PRKCD: variants seen among roughly 807,000 people sequenced by gnomAD.
The protein encoded by PRKCD is protein kinase C delta type.
In PRKCD, 20 loss-of-function variants were observed where a neutral mutation model predicts 82.2. The observed-to-expected ratio is 0.24, with a 90% confidence interval of 0.17 to 0.35. The LOEUF (loss-of-function observed/expected upper bound fraction) is 0.35. Ranked by LOEUF, PRKCD falls within the 10% of genes least tolerant of loss-of-function variation. PRKCD has a pLI of 1.00. For synonymous variants in PRKCD, 317 were observed against 337.0 expected, an observed-to-expected ratio of 0.94 and a Z score of 0.65; for missense variants, 607 against 899.0, an observed-to-expected ratio of 0.68 and a Z score of 4.15.
intron 1 of PRKCD, among the ~76,000 whole-genome samples, chr3:53,164,028 A>T (rs1232762921): frequency 6.6e-6 from 1 of 152,180 alleles, no homozygotes; most frequent in Non-Finnish European, 1.5e-5. Context: ...AAAGCCAAGG[A>T]TGCCTCTGCC....
At chr3:53,191,373 A>T (rs1451509427) in intron 18 of PRKCD, among the ~76,000 whole-genome samples, 1 of 152,198 alleles carries the variant, frequency 6.6e-6, no homozygotes, top group Non-Finnish European at 1.5e-5. Flanking sequence ...GTGCCACTGC[A>T]CTCCAGCCTG....
intron 10 of PRKCD, 114 bp from the exon 11 acceptor site, chr3:53,185,490 C>T: frequency 1.2e-6 from 1 of 857,314 alleles, no homozygotes; most frequent in East Asian, 2.4e-5. Flanking sequence ...GGCTGTGCCC[C>T]TGTTGTCTCC....
intron 17 of PRKCD, 124 bp from the exon 18 acceptor site, chr3:53,189,749 G>T: frequency 7.2e-7 from 1 of 1,387,798 alleles, no homozygotes. Context: ...CAGCCCCACC[G>T]TTCCCCAGGC....
chr3:53,185,973 C>A lies in PRKCD; in HGVS notation c.1032C>A (p.Cys344Ter), dbSNP rs782483971. 1 of 1,614,250 alleles carries A rather than the reference C, an allele frequency of 6.2e-7. No individual in the cohort carries two copies. Among genetic ancestry groups the A allele is most frequent in the East Asian group, 2.2e-5 (1 of 44,878 alleles). The part of the protein sequence containing the change: ...YGKIWEGSSK[C>*]NINNFIFHKV... ...AGATCTGGGAGGGCAGCAGCAAGTG[C>A]AACATCAACAACTTCATCTTCCACA... The change falls in exon 12 of 19, where the codon TGC becomes TGA. Residue 344 changes from cysteine (C) to a stop codon, truncating the protein, a stop_gained. Transcript: ENST00000330452. LOFTEE classifies it high-confidence loss of function.
At chr3:53,188,187 CAAA>C (rs557772373) in intron 15 of PRKCD, among the ~76,000 whole-genome samples, 36 of 45,580 alleles carry the variant, frequency 7.9e-4, no homozygotes, top group South Asian at 3.4e-3. Flanking sequence ...GACTGTGTCT[CAAA>C]AAAAAAAAAA....
intron 15 of PRKCD, 102 bp downstream of exon 15, chr3:53,187,504 C>A: frequency 7.6e-7 from 1 of 1,319,254 alleles, no homozygotes; most frequent in Non-Finnish European, 1.1e-6. Flanking sequence ...CCAGTTCCTT[C>A]TCTGCTGGAA....
intron 2 of PRKCD, chr3:53,173,596 C>T (rs1490857274): frequency 6.6e-6 from 1 of 152,232 alleles, no homozygotes. Context: ...ATTCTTCTGC[C>T]TCAGCCTCCC....
chr3:53,179,013 C>T (rs1703322836), intron 3 of PRKCD, among the ~76,000 whole-genome samples: 1 of 152,188 alleles, frequency 6.6e-6, no homozygotes, highest in Non-Finnish European at 1.5e-5. Context: ...ACATCATTCC[C>T]TCTTGCTTTT....
At chr3:53,167,252 G>T (rs797043314) in intron 2 of PRKCD, among the ~76,000 whole-genome samples, 7 of 152,200 alleles carry the variant, frequency 4.6e-5, no homozygotes, top group Non-Finnish European at 1.0e-4. Context: ...GGGGAGCAGC[G>T]TCTGGCCACC....
intron 1 of PRKCD, among the ~76,000 whole-genome samples, chr3:53,162,695 CGTGTGTGT>C (rs34874901): frequency 2.7e-5 from 4 of 147,972 alleles, no homozygotes; most frequent in Non-Finnish European, 6.0e-5. Flanking sequence ...TCACCAGACT[CGTGTGTGT>C]GTGTGTGTGT....
intron 9 of PRKCD, 96 bp downstream of exon 9, chr3:53,183,677 T>C (rs1029246136): frequency 6.7e-6 from 10 of 1,500,114 alleles, no homozygotes; most frequent in Non-Finnish European, 8.1e-6. Flanking sequence ...CCTCCTCACC[T>C]GGAGACGGGC....
chr3:53,168,894 T>G, intron 2 of PRKCD, among the ~76,000 whole-genome samples: 1 of 145,734 alleles, frequency 6.9e-6, no homozygotes, highest in Non-Finnish European at 1.5e-5. Context: ...TCTGGGCTTG[T>G]CAGAGGGGCA....
At chr3:53,167,968 C>T (rs540474340) in intron 2 of PRKCD, among the ~76,000 whole-genome samples, 77 of 152,366 alleles carry the variant, frequency 5.1e-4, no homozygotes, top group Middle Eastern at 3.4e-3. Flanking sequence ...CTCTTCTCCC[C>T]CTCACTCCCT....
At chr3:53,172,347 A>G (rs1457154415) in intron 2 of PRKCD, among the ~76,000 whole-genome samples, 4 of 151,770 alleles carry the variant, frequency 2.6e-5, no homozygotes, top group South Asian at 2.1e-4. Flanking sequence ...TGCCTACCCA[A>G]CCTGGCAGCT....
chr3:53,162,276 G>T (rs1231035146), intron 1 of PRKCD, among the ~76,000 whole-genome samples: 10 of 152,048 alleles, frequency 6.6e-5, no homozygotes, highest in Admixed American at 3.9e-4. Flanking sequence ...AGGTCGGGGG[G>T]GGGGGTCCTC....
intron 13 of PRKCD, 54 bp from the exon 14 acceptor site, chr3:53,186,550 T>C: frequency 1.3e-6 from 2 of 1,522,840 alleles, no homozygotes; most frequent in Non-Finnish European, 1.8e-6. Flanking sequence ...TGGCCCTCAG[T>C]GAGGGAGCCT....
At chr3:53,180,212 A>T (rs1703385398) in intron 4 of PRKCD, among the ~76,000 whole-genome samples, 1 of 148,474 alleles carries the variant, frequency 6.7e-6, no homozygotes, top group South Asian at 2.1e-4. Context: ...ACTGCATGAA[A>T]GGGTGTGTCC....
chr3:53,185,191 C>A (rs1553668706), intron 10 of PRKCD, among the ~76,000 whole-genome samples: 1 of 152,082 alleles, frequency 6.6e-6, no homozygotes, highest in Admixed American at 6.5e-5. Flanking sequence ...TGAGGGTGAA[C>A]CTGGGGACCA....
chr3:53,171,306 C>T (rs1463293523), intron 2 of PRKCD, among the ~76,000 whole-genome samples: 1 of 152,158 alleles, frequency 6.6e-6, no homozygotes, highest in Non-Finnish European at 1.5e-5. Context: ...TGGCCTCCCT[C>T]CAAGGAGGCC....
Sources: allele counts gnomAD v4.1 joint callset (sites outside exome capture counted in the v4.1 genomes callset), GRCh38; gene constraint gnomAD v4.1.1; transcripts MANE v1.5; gene names NCBI Gene and HGNC (gene_info 2026-07-23, HGNC 2026-07-21).